CDH13: variants seen among roughly 807,000 people sequenced by gnomAD.
CDH13 encodes cadherin-13.
A neutral mutation model predicts 63.8 loss-of-function variants in CDH13; 24 were observed. That is an observed-to-expected ratio of 0.38 (90% confidence interval 0.27 to 0.53). The LOEUF (loss-of-function observed/expected upper bound fraction) is 0.53. Among genes scored for constraint, CDH13 ranks in the 20% least tolerant of loss-of-function variants. The probability of loss-of-function intolerance (pLI) is 0.85; values close to 1 mark genes in which losing one functional copy is unlikely to be tolerated. For synonymous variants in CDH13, 503 were observed against 355.3 expected, an observed-to-expected ratio of 1.42 and a Z score of -4.67; for missense variants, 1,049 against 903.1, an observed-to-expected ratio of 1.16 and a Z score of -2.07.
intron 4 of CDH13, among the ~76,000 whole-genome samples, chr16:83,187,599 C>T (rs1344873636): frequency 2.0e-5 from 3 of 151,956 alleles, no homozygotes; most frequent in Non-Finnish European, 4.4e-5. Flanking sequence ...CTGTTTGCAA[C>T]CCGCAGCTCT....
chr16:82,838,688 C>A (rs1262243258), intron 1 of CDH13, among the ~76,000 whole-genome samples: 1 of 152,142 alleles, frequency 6.6e-6, no homozygotes, highest in Non-Finnish European at 1.5e-5. Context: ...TGTTTATACT[C>A]AAAGTCATTG....
Position 83,198,296 on chromosome 16 carries a change from A to T in CDH13, c.484-19049A>T, listed in dbSNP as rs865866075. Reference sequence around the variant, plus strand: ...ATGATTTCTTTCTCTTCTGTACTCCAAATGTAACACTAAATCACACACATG... The same window carrying T: ...ATGATTTCTTTCTCTTCTGTACTCCTAATGTAACACTAAATCACACACATG... On this transcript the variant is annotated intron_variant, in intron 4 of 13. Transcript: ENST00000567109. Among the ~76,000 whole-genome samples the T allele has an allele frequency of 3.3e-5, 5 of 150,770 alleles. No homozygotes were observed. The South Asian group carries it at 8.4e-4, about 25-fold the overall frequency.
intron 10 of CDH13, among the ~76,000 whole-genome samples, chr16:83,733,891 G>A (rs545553695): frequency 1.3e-4 from 20 of 152,156 alleles, no homozygotes; most frequent in Non-Finnish European, 2.1e-4. Context: ...TGCAAGCAGC[G>A]CAGCCTGAGA....
intron 5 of CDH13, among the ~76,000 whole-genome samples, chr16:83,250,030 C>T (rs984494439): frequency 6.6e-6 from 1 of 152,196 alleles, no homozygotes; most frequent in Admixed American, 6.5e-5. Context: ...TGAGAGACAA[C>T]AGATCCTAAG....
intron 4 of CDH13, 71 bp from the exon 5 acceptor site, chr16:83,217,274 G>T: frequency 1.3e-6 from 2 of 1,495,588 alleles, no homozygotes; most frequent in Non-Finnish European, 1.9e-6. Context: ...TTGCTCATGG[G>T]AGTATGTTTG....
At chr16:82,757,942 C>T (rs1424190306) in intron 1 of CDH13, among the ~76,000 whole-genome samples, 1 of 152,164 alleles carries the variant, frequency 6.6e-6, no homozygotes, top group Non-Finnish European at 1.5e-5. Context: ...AGTCACCGCA[C>T]CTGGCCGCCA....
chr16:83,431,603 G>C (rs890380057), intron 6 of CDH13, among the ~76,000 whole-genome samples: 3 of 152,196 alleles, frequency 2.0e-5, no homozygotes, highest in African/African-American at 7.2e-5. Flanking sequence ...GCATCTTCTG[G>C]GGAGGCCTCA....
intron 1 of CDH13, among the ~76,000 whole-genome samples, chr16:82,729,078 C>T (rs1327196707): frequency 2.0e-5 from 3 of 152,132 alleles, no homozygotes; most frequent in African/African-American, 7.2e-5. Context: ...AGTTGTCTTT[C>T]AGTTTCCACC....
chr16:82,916,807 T>C (rs2042005618), intron 2 of CDH13, among the ~76,000 whole-genome samples: 1 of 152,218 alleles, frequency 6.6e-6, no homozygotes, highest in East Asian at 1.9e-4. Flanking sequence ...CTAAAAAATA[T>C]TCCCTACTAG....
At chr16:82,709,781 G>C (rs915050233) in intron 1 of CDH13, among the ~76,000 whole-genome samples, 1 of 152,256 alleles carries the variant, frequency 6.6e-6, no homozygotes, top group Non-Finnish European at 1.5e-5. Flanking sequence ...GGGCCATCCT[G>C]TTTCCTGTGG....
intron 8 of CDH13, chr16:83,654,716 C>T (rs1247129765): frequency 1.3e-5 from 2 of 152,198 alleles, no homozygotes; most frequent in South Asian, 4.1e-4. Context: ...CAAATATACT[C>T]AAAATAGTTT....
At chr16:82,932,732 G>A (rs570159311) in intron 2 of CDH13, among the ~76,000 whole-genome samples, 1 of 152,288 alleles carries the variant, frequency 6.6e-6, no homozygotes, top group African/African-American at 2.4e-5. Flanking sequence ...TATGCTGATG[G>A]CATTCTGACT....
chr16:83,284,455 T>A (rs1274572612), intron 5 of CDH13, among the ~76,000 whole-genome samples: 1 of 152,212 alleles, frequency 6.6e-6, no homozygotes, highest in African/African-American at 2.4e-5. Context: ...GCCAGCTACT[T>A]AGTGAACTCT....
intron 5 of CDH13, among the ~76,000 whole-genome samples, chr16:83,268,832 A>G (rs1044364258): frequency 1.3e-5 from 2 of 152,228 alleles, no homozygotes; most frequent in Non-Finnish European, 2.9e-5. Flanking sequence ...AGGACACCAC[A>G]GAGAGGCCAG....
At chr16:83,277,221 C>T (rs930888717) in intron 5 of CDH13, among the ~76,000 whole-genome samples, 2 of 152,290 alleles carry the variant, frequency 1.3e-5, no homozygotes, top group East Asian at 1.9e-4. Context: ...GGTTTTCTCA[C>T]TCATGGTTAT....
At chr16:83,079,599 A>G (rs1474054929) in intron 3 of CDH13, among the ~76,000 whole-genome samples, 1 of 152,252 alleles carries the variant, frequency 6.6e-6, no homozygotes, top group Non-Finnish European at 1.5e-5. Flanking sequence ...AACTCAAATT[A>G]GGTGCTACTT....
intron 7 of CDH13, among the ~76,000 whole-genome samples, chr16:83,522,086 C>T (rs2151620514): frequency 6.6e-6 from 1 of 152,296 alleles, no homozygotes; most frequent in Middle Eastern, 3.4e-3. Context: ...AAATCCAGTT[C>T]TCCCCTGCTG....
chr16:83,259,872 T>G (rs1308673396), intron 5 of CDH13, among the ~76,000 whole-genome samples: 1 of 152,044 alleles, frequency 6.6e-6, no homozygotes, highest in East Asian at 1.9e-4. Flanking sequence ...AGAAGCAAAC[T>G]TCTTTGGGGG....
chr16:83,407,286 C>T (rs13330293), intron 6 of CDH13, among the ~76,000 whole-genome samples: 1,865 of 152,284 alleles, frequency 0.012, 37 homozygotes, highest in African/African-American at 0.043. Context: ...ACCTCCTGCC[C>T]GTTTATTTGA....
Sources: gnomAD v4.1 joint callset for allele counts (sites outside exome capture counted in the v4.1 genomes callset) on GRCh38, gnomAD v4.1.1 for gene constraint, MANE v1.5 for transcripts, NCBI Gene and HGNC (gene_info 2026-07-23, HGNC 2026-07-21) for gene names.